FUT8: variants seen among roughly 807,000 people sequenced by gnomAD.
FUT8 encodes fucosyltransferase 8.
A neutral mutation model predicts 71.3 loss-of-function variants in FUT8; 29 were observed. The observed-to-expected ratio is 0.41, with a 90% CI of 0.30 to 0.55. The LOEUF (loss-of-function observed/expected upper bound fraction) is 0.55, where lower values mean the gene tolerates loss of function less well. Ranked by LOEUF, FUT8 falls within the 20% of genes least tolerant of loss-of-function variation. The pLI, the probability that FUT8 is intolerant of heterozygous loss-of-function variation, is 0.34. For synonymous variants in FUT8, 254 were observed against 239.3 expected, an observed-to-expected ratio of 1.06 and a Z score of -0.57; for missense variants, 544 against 702.1, an observed-to-expected ratio of 0.77 and a Z score of 2.55.
intron 7 of FUT8, among the ~76,000 whole-genome samples, chr14:65,717,520 G>T (rs545735052): frequency 3.9e-5 from 4 of 101,356 alleles, no homozygotes; most frequent in Non-Finnish European, 5.9e-5. Context: ...CCTCCCAGAC[G>T]AAGGGCGGCC....
At chr14:65,599,016 C>T (rs1374596470) in intron 3 of FUT8, among the ~76,000 whole-genome samples, 1 of 152,098 alleles carries the variant, frequency 6.6e-6, no homozygotes, top group Non-Finnish European at 1.5e-5. Flanking sequence ...GTCTCGATCT[C>T]CTGACCTCGT....
chr14:65,662,108 A>C (rs927381237), intron 6 of FUT8, among the ~76,000 whole-genome samples: 1 of 152,160 alleles, frequency 6.6e-6, no homozygotes, highest in Non-Finnish European at 1.5e-5. Context: ...GAAATGCCTC[A>C]GATAGTGTAA....
intron 6 of FUT8, among the ~76,000 whole-genome samples, chr14:65,641,726 GT>G (rs1168362023): frequency 6.9e-6 from 1 of 144,878 alleles, no homozygotes; most frequent in Non-Finnish European, 1.5e-5. Flanking sequence ...GTAGGGGTAT[GT>G]CATGGTTTTT....
At chr14:65,439,954 G>GTGTACATATA in intron 1 of FUT8, among the ~76,000 whole-genome samples, 1,059 of 74,952 alleles carry the variant, frequency 0.014, 59 homozygotes, top group Admixed American at 0.029. Context: ...GTGTGTGTGT[G>GTGTACATATA]TATATATATA....
At chr14:65,452,226 T>C (rs1187240178) in intron 1 of FUT8, among the ~76,000 whole-genome samples, 2 of 152,232 alleles carry the variant, frequency 1.3e-5, no homozygotes, top group African/African-American at 4.8e-5. Context: ...CATTCAGTGC[T>C]GTCACAAAGT....
intron 2 of FUT8, among the ~76,000 whole-genome samples, chr14:65,529,971 G>T (rs1883825764): frequency 6.6e-6 from 1 of 152,062 alleles, no homozygotes; most frequent in South Asian, 2.1e-4. Context: ...AAATTACTCA[G>T]CACTAACTAC....
At chr14:65,383,514 C>T in the FUT8 span, among the ~76,000 whole-genome samples, 1 of 152,104 alleles carries the variant, frequency 6.6e-6, no homozygotes, top group Non-Finnish European at 1.5e-5. Flanking sequence ...TTGTGATCCG[C>T]CTGCCTTGGC....
chr14:65,392,671 A>G, the FUT8 span, among the ~76,000 whole-genome samples: 1 of 152,232 alleles, frequency 6.6e-6, no homozygotes, highest in East Asian at 1.9e-4. Context: ...ACTATAATAC[A>G]TGAATAATAG....
intron 3 of FUT8, among the ~76,000 whole-genome samples, chr14:65,606,823 TAAA>T (rs1216929719): frequency 6.6e-6 from 1 of 151,940 alleles, no homozygotes; most frequent in African/African-American, 2.4e-5. Flanking sequence ...TAAATTTAAT[TAAA>T]AAATCCTTTT....
intron 2 of FUT8, among the ~76,000 whole-genome samples, chr14:65,504,134 C>G (rs766649900): frequency 6.6e-6 from 1 of 151,992 alleles, no homozygotes; most frequent in Non-Finnish European, 1.5e-5. Flanking sequence ...TTTAAAACTG[C>G]GAGGCTTTTT....
Position 65,643,791 on chromosome 14 carries a change from T to C in FUT8, c.597+14185T>C, listed in dbSNP as rs1890982231. On this transcript the variant is annotated intron_variant, in intron 6 of 10. Transcript: ENST00000673929. This position sits in a 1 kb window ranked among gnomAD's most constrained non-coding sequence, Gnocchi z 4.5. Reference sequence around the variant, plus strand: ...GCAACACCCAGTAGAGGTTTTATCCTTTTAACTTTCTTGAATATACGTTGA... The same window carrying C: ...GCAACACCCAGTAGAGGTTTTATCCCTTTAACTTTCTTGAATATACGTTGA... Among the ~76,000 whole-genome samples the C allele has an allele frequency of 6.6e-6, 1 of 152,036 alleles. No homozygotes were observed. The highest frequency in any genetic ancestry group is 1.5e-5 in the Non-Finnish European group (1 of 68,010).
At chr14:65,408,416 G>A (rs2065095296), upstream of FUT8, among the ~76,000 whole-genome samples, 3 of 152,122 alleles carry the variant, frequency 2.0e-5, no homozygotes, top group Admixed American at 6.5e-5. Context: ...ATCTGGGGGT[G>A]GGTGTGGAAA....
Position 65,742,286 on chromosome 14 carries a change from A to T in FUT8, c.1604A>T (p.His535Leu). Reference sequence around the variant, plus strand: ...GATATCATTGGTGTGGCTGGAAATCATTGGGATGGCTATTCTAAAGGTGTC... The same window carrying T: ...GATATCATTGGTGTGGCTGGAAATCTTTGGGATGGCTATTCTAAAGGTGTC... ...PGDIIGVAGN[H>L]WDGYSKGVNR... The change falls in exon 11 of 11, where the codon CAT (histidine) becomes CTT (leucine). Residue 535 changes from histidine (H) to leucine (L), a missense_variant. By Grantham distance (99) the His-to-Leu change is moderately conservative. Coordinates refer to ENST00000673929, the MANE Select transcript of FUT8 (RefSeq NM_001371533.1). 1 of 1,613,082 alleles carries T rather than the reference A, an allele frequency of 6.2e-7. No homozygotes were observed. Among genetic ancestry groups the T allele is most frequent in the Middle Eastern group, 1.7e-4 (1 of 6,058 alleles).
chr14:65,427,442 C>G (rs1030069566), intron 1 of FUT8, among the ~76,000 whole-genome samples: 6 of 152,172 alleles, frequency 3.9e-5, no homozygotes, highest in Admixed American at 3.9e-4. Flanking sequence ...TCTCCACATC[C>G]TCATCTTTTG....
intron 2 of FUT8, among the ~76,000 whole-genome samples, chr14:65,480,096 A>G (rs1373136163): frequency 6.6e-6 from 1 of 152,112 alleles, no homozygotes; most frequent in Non-Finnish European, 1.5e-5. Context: ...GGTAAATGTG[A>G]TTAGAACAGA....
intron 2 of FUT8, among the ~76,000 whole-genome samples, chr14:65,458,940 C>T (rs2065934056): frequency 6.6e-6 from 1 of 152,096 alleles, no homozygotes. Flanking sequence ...AGATGTGTGT[C>T]ACCATGCCCA....
chr14:65,364,967 C>T, the FUT8 span, among the ~76,000 whole-genome samples: 9 of 152,110 alleles, frequency 5.9e-5, no homozygotes, highest in Non-Finnish European at 1.2e-4. Flanking sequence ...ATGCTTTGGC[C>T]GTGTACAGTA....
At chr14:65,593,611 T>C (rs561440269) in intron 3 of FUT8, among the ~76,000 whole-genome samples, 1 of 152,224 alleles carries the variant, frequency 6.6e-6, no homozygotes, top group South Asian at 2.1e-4. Flanking sequence ...GTTTTGTTCT[T>C]TTTGCCCAGG....
chr14:65,498,048 T>G (rs990134129), intron 2 of FUT8, among the ~76,000 whole-genome samples: 1 of 152,204 alleles, frequency 6.6e-6, no homozygotes, highest in Non-Finnish European at 1.5e-5. Context: ...ATTAGTCATA[T>G]TATTTAATGA....
Sources: allele counts gnomAD v4.1 joint callset (sites outside exome capture counted in the v4.1 genomes callset), GRCh38; gene constraint gnomAD v4.1.1; non-coding constraint Gnocchi (gnomAD v3.1); transcripts MANE v1.5; gene names NCBI Gene and HGNC (gene_info 2026-07-23, HGNC 2026-07-21).